Variants in BFSP1 observed in about 807,000 individuals in gnomAD.
BFSP1 encodes filensin.
BFSP1 carries 38 observed loss-of-function variants against 43.9 expected under a neutral mutation model. The observed-to-expected ratio is 0.87, with a 90% CI of 0.67 to 1.14. BFSP1 has a LOEUF of 1.14. Ranked by LOEUF, BFSP1 falls within the 50% of genes most tolerant of loss-of-function variation. The pLI is 0.00. For synonymous variants in BFSP1, 352 were observed against 354.8 expected (o/e 0.99, Z 0.09); for missense variants, 850 against 875.1 (o/e 0.97, Z 0.36).
intron 1 of BFSP1, among the ~76,000 whole-genome samples, chr20:17,528,574 A>G (rs2034468738): frequency 6.6e-6 from 1 of 152,214 alleles, no homozygotes; most frequent in Non-Finnish European, 1.5e-5. Context: ...GAGTCCAAGA[A>G]CGGATTATCT....
intron 1 of BFSP1, among the ~76,000 whole-genome samples, chr20:17,556,969 T>C (rs2035002651): frequency 6.6e-6 from 1 of 152,178 alleles, no homozygotes; most frequent in Non-Finnish European, 1.5e-5. Context: ...TCCAGGCCCA[T>C]CCGTGTCCTG....
At position 17,505,335 on chromosome 20, in the gene BFSP1, G is replaced by A. The variant is rs569332657; in HGVS notation, c.735+3554C>T. Among the ~76,000 whole-genome samples the A allele has an allele frequency of 2.0e-4, 30 of 152,348 alleles. No homozygotes were observed. In the South Asian group the frequency reaches 5.8e-3, roughly 29 times the overall value. ...CACCGGCCCGCCCCAGAGCTCCTGG[G>A]TCAGTGGTCTGGGGTGCCTGTGAAT... On this transcript the variant is annotated intron_variant, in intron 5 of 7. Transcript: ENST00000377873.
chr20:17,539,791 AG>A (rs1282769670), intron 1 of BFSP1, among the ~76,000 whole-genome samples: 1 of 152,118 alleles, frequency 6.6e-6, no homozygotes, highest in Non-Finnish European at 1.5e-5. Flanking sequence ...AATTAAAAAA[AG>A]AAACATACAT....
Position 17,506,364 on chromosome 20 carries a change from G to C in BFSP1, c.735+2525C>G, listed in dbSNP as rs2033936792. Among the ~76,000 whole-genome samples the C allele has an allele frequency of 3.3e-5, 5 of 152,098 alleles. No homozygotes were observed. The South Asian group carries it at 1.0e-3, about 32-fold the overall frequency. On this transcript the variant is annotated intron_variant, in intron 5 of 7. Coordinates refer to ENST00000377873, the MANE Select transcript of BFSP1 (RefSeq NM_001195.5). The stretch of plus-strand genomic sequence containing the variant: ...CCACCTACACAACTGCGATGACACG[G>C]GTGCTGGTGGTGACTCATCAAGGCA...
chr20:17,548,242 C>T (rs1410490343), intron 1 of BFSP1, among the ~76,000 whole-genome samples: 3 of 149,104 alleles, frequency 2.0e-5, no homozygotes, highest in African/African-American at 4.9e-5. Flanking sequence ...AATCTAATAG[C>T]ATGTGTATGA....
At chr20:17,551,752 G>C (rs753678579) in intron 1 of BFSP1, among the ~76,000 whole-genome samples, 3 of 152,194 alleles carry the variant, frequency 2.0e-5, no homozygotes, top group Admixed American at 2.0e-4. Flanking sequence ...AGAGGCAGAG[G>C]CGGGTGGATC....
chr20:17,545,083 A>G (rs1394638771), intron 1 of BFSP1, among the ~76,000 whole-genome samples: 3 of 152,222 alleles, frequency 2.0e-5, no homozygotes, highest in Non-Finnish European at 4.4e-5. Flanking sequence ...ATAGAAATTG[A>G]CATGAGGACA....
At chr20:17,553,818 CACACACAT>C (rs1200549566) in intron 1 of BFSP1, among the ~76,000 whole-genome samples, 67 of 95,142 alleles carry the variant, frequency 7.0e-4, no homozygotes, top group Non-Finnish European at 1.1e-3. Context: ...CACACACACA[CACACACAT>C]ATATATATAT....
intron 2 of BFSP1, 29 bp downstream of exon 2, chr20:17,524,819 A>C: frequency 6.2e-7 from 1 of 1,608,316 alleles, no homozygotes; most frequent in Non-Finnish European, 8.5e-7. Flanking sequence ...TAATTAAGCT[A>C]CGTAAACCCA....
chr20:17,546,528 C>A (rs1054241665), intron 1 of BFSP1, among the ~76,000 whole-genome samples: 3 of 152,026 alleles, frequency 2.0e-5, no homozygotes, highest in African/African-American at 7.3e-5. Context: ...ATGTTGAAAC[C>A]CCGTTTCTAC....
rs1184975906 is a variant in BFSP1, at chr20:17,531,188, C to T, written c.142G>A (p.Gly48Ser). 1.5e-6 allele frequency: 2 copies of T among 1,298,658 alleles called. No individual in the cohort carries two copies. Among genetic ancestry groups the T allele is most frequent in the Non-Finnish European group, 9.8e-7 (1 of 1,025,374 alleles). 80.4% of individuals were successfully genotyped at this position (1,298,658 alleles called of 1,614,324 possible). The change falls in exon 1 of 8, where the codon GGC becomes AGC. Residue 48 changes from glycine (G) to serine (S), a missense_variant. Coordinates refer to ENST00000377873, the MANE Select transcript of BFSP1 (RefSeq NM_001195.5). ...TGGACGTGGGCGGCCACGCGCTCGC[C>T]GAGCCCCTGCAGCGCCGCCAGGCTC... ...ATSLAALQGLGERVAAHVQRA... is the reference protein window; with the variant it reads ...ATSLAALQGLSERVAAHVQRA...
At chr20:17,534,908 T>C (rs1036585657), upstream of BFSP1, among the ~76,000 whole-genome samples, 1 of 152,004 alleles carries the variant, frequency 6.6e-6, no homozygotes, top group Non-Finnish European at 1.5e-5. Context: ...TAGTCCCAGC[T>C]ACTCGGGAGG....
At chr20:17,523,420 G>A (rs1056133955) in intron 2 of BFSP1, among the ~76,000 whole-genome samples, 1 of 151,964 alleles carries the variant, frequency 6.6e-6, no homozygotes, top group Non-Finnish European at 1.5e-5. Flanking sequence ...GGGTCCCCGT[G>A]TCTGAAGGCC....
At chr20:17,524,583 G>T (rs537373922) in intron 2 of BFSP1, among the ~76,000 whole-genome samples, 2 of 152,324 alleles carry the variant, frequency 1.3e-5, no homozygotes, top group South Asian at 4.1e-4. Flanking sequence ...GCTTGTCACT[G>T]TAACGCCGGC....
chr20:17,556,010 G>A (rs1196757189), intron 1 of BFSP1, among the ~76,000 whole-genome samples: 1 of 152,154 alleles, frequency 6.6e-6, no homozygotes, highest in Non-Finnish European at 1.5e-5. Context: ...ACCCATGTTG[G>A]TCCATTTCTA....
Position 17,525,634 on chromosome 20 carries a change from G to A in BFSP1, c.378-726C>T, listed in dbSNP as rs1211658682. Among the ~76,000 whole-genome samples, 3 of 152,184 alleles carry A rather than the reference G, an allele frequency of 2.0e-5. No individual in the cohort carries two copies. The highest frequency in any genetic ancestry group is 3.9e-4 in the East Asian group (2 of 5,178). Reference sequence around the variant, plus strand: ...CCTTTTCTGCTCGGCTGGGACAACTGAGGCACGTCCCTCTGGGGGAATTTT... The same window carrying A: ...CCTTTTCTGCTCGGCTGGGACAACTAAGGCACGTCCCTCTGGGGGAATTTT... On this transcript the variant is annotated intron_variant, in intron 1 of 7. Transcript: ENST00000377873. The surrounding 1 kb of genome is among the most constrained non-coding windows in gnomAD (Gnocchi z 4.2).
At chr20:17,546,554 T>C (rs1290018016) in intron 1 of BFSP1, among the ~76,000 whole-genome samples, 2 of 151,586 alleles carry the variant, frequency 1.3e-5, no homozygotes, top group Non-Finnish European at 2.9e-5. Flanking sequence ...ATATAAAAAT[T>C]AGCTGGGTGT....
chr20:17,497,977 T>C (rs1346936694), intron 6 of BFSP1, among the ~76,000 whole-genome samples: 2 of 152,116 alleles, frequency 1.3e-5, no homozygotes, highest in Non-Finnish European at 2.9e-5. Flanking sequence ...GTGACATAAA[T>C]ATAATGTGGA....
intron 1 of BFSP1, among the ~76,000 whole-genome samples, chr20:17,557,874 G>A (rs567994093): frequency 3.9e-4 from 59 of 152,320 alleles, no homozygotes; most frequent in African/African-American, 1.4e-3. Context: ...CCAGCTGTTA[G>A]TAAGTGGATA....
Sources: gnomAD v4.1 joint callset for allele counts (sites outside exome capture counted in the v4.1 genomes callset) on GRCh38, gnomAD v4.1.1 for gene constraint, Gnocchi (gnomAD v3.1) non-coding constraint, MANE v1.5 for transcripts, NCBI Gene and HGNC (gene_info 2026-07-23, HGNC 2026-07-21) for gene names.